The following ACOXL variants were observed in gnomAD, a reference collection of about 807,000 sequenced individuals.
ACOXL encodes the protein acyl-coenzyme A oxidase-like protein.
In ACOXL, 70 loss-of-function variants were observed where a neutral mutation model predicts 71.9. The ratio of observed to expected loss-of-function variants is 0.97; its 90% confidence interval spans 0.80 to 1.19. ACOXL has a LOEUF of 1.19. Among genes scored for constraint, ACOXL ranks in the 50% most tolerant of loss-of-function variants. The pLI is 0.00. For missense variants in ACOXL, 703 were observed against 736.3 expected (o/e 0.95, Z 0.52); for synonymous variants, 253 against 281.6 (o/e 0.90, Z 1.02).
chr2:110,745,931 G>A (rs566720032), intron 1 of ACOXL, among the ~76,000 whole-genome samples: 133 of 152,262 alleles, frequency 8.7e-4, no homozygotes, highest in African/African-American at 3.0e-3. Flanking sequence ...TTTCCTGCAA[G>A]GGGACTGGAG....
At chr2:111,028,906 A>C (rs2065138246) in intron 14 of ACOXL, among the ~76,000 whole-genome samples, 1 of 152,192 alleles carries the variant, frequency 6.6e-6, no homozygotes, top group Admixed American at 6.5e-5. Context: ...CCAGGGAACT[A>C]ACTCACTCTC....
chr2:110,966,771 C>T (rs530889875), intron 12 of ACOXL, among the ~76,000 whole-genome samples: 1 of 152,296 alleles, frequency 6.6e-6, no homozygotes, highest in South Asian at 2.1e-4. Context: ...GGTAGTTGGC[C>T]CTGTGCTTCC....
intron 9 of ACOXL, among the ~76,000 whole-genome samples, chr2:110,823,204 G>T (rs1445848855): frequency 6.6e-6 from 1 of 150,504 alleles, no homozygotes; most frequent in Non-Finnish European, 1.5e-5. Flanking sequence ...AGTGAGCCAA[G>T]ATGGTGCCAT....
chr2:110,972,215 A>G (rs775525722), intron 12 of ACOXL, among the ~76,000 whole-genome samples: 5 of 152,190 alleles, frequency 3.3e-5, no homozygotes, highest in Non-Finnish European at 7.3e-5. Flanking sequence ...TGGGAGAATG[A>G]ACATCAGCAC....
intron 1 of ACOXL, among the ~76,000 whole-genome samples, chr2:110,767,856 C>A (rs1296153322): frequency 6.6e-6 from 1 of 151,562 alleles, no homozygotes; most frequent in South Asian, 2.1e-4. Context: ...GAGGCCAAGG[C>A]GGGTGGATCA....
intron 1 of ACOXL, among the ~76,000 whole-genome samples, chr2:110,751,298 C>CAAAA (rs765632647): frequency 4.5e-5 from 2 of 44,008 alleles, no homozygotes; most frequent in African/African-American, 7.4e-5. Context: ...GACTCCGTCT[C>CAAAA]AAAAAAAAAA....
intron 10 of ACOXL, among the ~76,000 whole-genome samples, chr2:110,881,487 A>G (rs1485575762): frequency 6.6e-6 from 1 of 152,192 alleles, no homozygotes; most frequent in Non-Finnish European, 1.5e-5. Flanking sequence ...TATAATTAAC[A>G]TACAATAAAC....
chr2:111,003,579 A>T (rs978599206), intron 14 of ACOXL, among the ~76,000 whole-genome samples: 2 of 146,772 alleles, frequency 1.4e-5, no homozygotes, highest in Non-Finnish European at 3.0e-5. Context: ...AAAAAAAAAA[A>T]GAATCACAGA....
At chr2:111,066,959 C>G (rs72946285) in intron 16 of ACOXL, among the ~76,000 whole-genome samples, 2 of 152,172 alleles carry the variant, frequency 1.3e-5, no homozygotes, top group Non-Finnish European at 2.9e-5. Flanking sequence ...TTTAACTCAT[C>G]TCTTACCAAG....
chr2:111,084,800 A>G (rs1263740485), intron 16 of ACOXL, among the ~76,000 whole-genome samples: 1 of 151,994 alleles, frequency 6.6e-6, no homozygotes, highest in East Asian at 1.9e-4. Context: ...GCAAGACCCA[A>G]TAGTATGCTG....
intron 14 of ACOXL, among the ~76,000 whole-genome samples, chr2:111,004,252 A>G (rs2063770953): frequency 6.6e-6 from 1 of 152,224 alleles, no homozygotes; most frequent in African/African-American, 2.4e-5. Context: ...CCTGCTTTTC[A>G]GCTTTCTAGT....
At chr2:110,761,123 A>G (rs1680349488) in intron 1 of ACOXL, among the ~76,000 whole-genome samples, 1 of 152,238 alleles carries the variant, frequency 6.6e-6, no homozygotes, top group Non-Finnish European at 1.5e-5. Context: ...CCACCAGAAC[A>G]ATATTCAACA....
chr2:110,858,580 A>C (rs961181739), intron 10 of ACOXL, among the ~76,000 whole-genome samples: 3 of 152,264 alleles, frequency 2.0e-5, no homozygotes, highest in Admixed American at 1.3e-4. Context: ...GTTGCTAGCC[A>C]CATCTGTCCT....
intron 15 of ACOXL, among the ~76,000 whole-genome samples, chr2:111,046,052 CTA>C (rs2066002703): frequency 1.3e-5 from 2 of 152,222 alleles, no homozygotes; most frequent in South Asian, 4.1e-4. Flanking sequence ...CATCTAAACA[CTA>C]GAGACTGATT....
chr2:110,853,807 G>A (rs540438608), intron 10 of ACOXL, among the ~76,000 whole-genome samples: 67 of 152,002 alleles, frequency 4.4e-4, no homozygotes, highest in African/African-American at 1.6e-3. Context: ...ACAGATAATT[G>A]GAAAGGAACT....
chr2:110,968,482 G>A (rs1401413995), intron 12 of ACOXL: 14 of 1,308,832 alleles, frequency 1.1e-5, no homozygotes, highest in African/African-American at 2.9e-5. Context: ...AGAAGATGAA[G>A]ATGCTTACAA....
At chr2:110,749,432 G>A (rs1435491269) in intron 1 of ACOXL, among the ~76,000 whole-genome samples, 1 of 152,174 alleles carries the variant, frequency 6.6e-6, no homozygotes, top group Non-Finnish European at 1.5e-5. Flanking sequence ...AACGAAGACA[G>A]CAGCATTGAC....
intron 11 of ACOXL, among the ~76,000 whole-genome samples, chr2:110,915,350 A>ATATATATATATATATATGTG (rs1491355100): frequency 6.2e-5 from 7 of 113,628 alleles, no homozygotes; most frequent in Non-Finnish European, 1.3e-4. Context: ...ATATATATAT[A>ATATATATATATATATATGTG]TGTGTGTGTG....
At chr2:110,978,781 T>C (rs2062572246) in intron 12 of ACOXL, among the ~76,000 whole-genome samples, 1 of 151,016 alleles carries the variant, frequency 6.6e-6, no homozygotes, top group South Asian at 2.1e-4. Flanking sequence ...AGAAAGGGTT[T>C]GCACGATGCT....
Sources: gnomAD v4.1 joint callset for allele counts (sites outside exome capture counted in the v4.1 genomes callset) on GRCh38, gnomAD v4.1.1 for gene constraint, MANE v1.5 for transcripts, NCBI Gene and HGNC (gene_info 2026-07-23, HGNC 2026-07-21) for gene names.